ZNF704: variants seen among roughly 807,000 people sequenced by gnomAD.
ZNF704 encodes zinc finger protein 704, also known as glucocorticoid induced gene 1.
In ZNF704, 10 loss-of-function variants were observed where a neutral mutation model predicts 44.7. The observed-to-expected ratio is 0.22, with a 90% CI of 0.14 to 0.38. The LOEUF (loss-of-function observed/expected upper bound fraction) is 0.38. Ranked by LOEUF, ZNF704 falls within the 10% of genes least tolerant of loss-of-function variation. ZNF704 has a pLI of 1.00. For synonymous variants in ZNF704, 211 were observed against 207.6 expected, an observed-to-expected ratio of 1.02 and a Z score of -0.14; for missense variants, 390 against 545.5, an observed-to-expected ratio of 0.71 and a Z score of 2.84.
At chr8:80,685,043 A>C (rs1461909416) in intron 4 of ZNF704, among the ~76,000 whole-genome samples, 1 of 152,108 alleles carries the variant, frequency 6.6e-6, no homozygotes, top group African/African-American at 2.4e-5. Context: ...AGAAGTCATA[A>C]AGAAAGAAGG....
At chr8:80,716,695 CAA>C (rs1250900137) in intron 2 of ZNF704, among the ~76,000 whole-genome samples, 3 of 152,216 alleles carry the variant, frequency 2.0e-5, no homozygotes, top group Non-Finnish European at 4.4e-5. Context: ...CAAGTTCAAG[CAA>C]AATAGTTCCA....
chr8:80,681,909 T>C (rs1389526613), intron 4 of ZNF704, among the ~76,000 whole-genome samples: 1 of 152,214 alleles, frequency 6.6e-6, no homozygotes, highest in Non-Finnish European at 1.5e-5. Context: ...GTCACTAAGT[T>C]ACCTAGATAT....
intron 1 of ZNF704, among the ~76,000 whole-genome samples, chr8:80,868,526 T>C (rs1419561195): frequency 3.3e-5 from 5 of 152,206 alleles, no homozygotes; most frequent in South Asian, 2.1e-4. Context: ...TGCTCCCCAC[T>C]TGTGGCCACA....
intron 7 of ZNF704, among the ~76,000 whole-genome samples, chr8:80,651,310 A>T (rs867280233): frequency 1.4e-4 from 22 of 152,364 alleles, no homozygotes; most frequent in Middle Eastern, 3.4e-3. Context: ...AAATTCACAC[A>T]TAACAATATT....
intron 2 of ZNF704, among the ~76,000 whole-genome samples, chr8:80,802,799 C>T (rs1807924182): frequency 6.6e-6 from 1 of 152,152 alleles, no homozygotes; most frequent in Non-Finnish European, 1.5e-5. Flanking sequence ...TGCCCCCTCT[C>T]ATTACTCCTG....
intron 3 of ZNF704, among the ~76,000 whole-genome samples, chr8:80,691,143 G>C (rs1467063839): frequency 1.3e-5 from 2 of 152,176 alleles, no homozygotes; most frequent in Non-Finnish European, 2.9e-5. Flanking sequence ...AATGAGGTTG[G>C]AGTAAGTTTT....
rs1271626984 is a variant in ZNF704, at chr8:80,629,122, G to A, written c.*12244C>T. On this transcript the variant is annotated 3_prime_UTR_variant, in exon 9 of 9. Transcript: ENST00000327835. ...AAGAAATTCAAAAAATTGTTTTAGA[G>A]AACAGCATTTAGAAAAACAACATCA... 3 of 151,972 alleles carry A rather than the reference G, an allele frequency of 2.0e-5. No individual in the cohort carries two copies. The highest frequency in any genetic ancestry group is 4.4e-5 in the Non-Finnish European group (3 of 68,006). The allele number at this position is 151,972 out of a possible 1,614,324, so 9.4% of individuals were successfully genotyped here.
At chr8:80,651,538 T>G (rs1242386364) in intron 7 of ZNF704, among the ~76,000 whole-genome samples, 2 of 152,114 alleles carry the variant, frequency 1.3e-5, no homozygotes, top group Non-Finnish European at 2.9e-5. Context: ...TAAAACAGAC[T>G]TTAAACCAAC....
rs1229395523 is a variant in ZNF704 at position 80,659,764 on chromosome 8, G to A, written c.928-75C>T. The A allele has an allele frequency of 3.0e-6, 4 of 1,335,700 alleles. No individual in the cohort carries two copies. The East Asian group carries it at 9.3e-5, about 31-fold the overall frequency. 82.7% of individuals were successfully genotyped at this position (1,335,700 alleles called of 1,614,324 possible). ...GGAGCTTTAAGCTCTTATTACCAAA[G>A]GAGGACCTCAGAAATGGTCTCAGCT... On this transcript the variant is annotated intron_variant, in intron 6 of 8. Coordinates refer to ENST00000327835, the MANE Select transcript of ZNF704 (RefSeq NM_001033723.3).
chr8:80,751,480 C>T (rs1427852987), intron 2 of ZNF704, among the ~76,000 whole-genome samples: 3 of 152,146 alleles, frequency 2.0e-5, no homozygotes, highest in Admixed American at 6.5e-5. Context: ...GTTTCAGGTG[C>T]TGCTATTTAC....
intron 2 of ZNF704, among the ~76,000 whole-genome samples, chr8:80,709,187 G>T (rs996233890): frequency 6.6e-6 from 1 of 152,042 alleles, no homozygotes; most frequent in African/African-American, 2.4e-5. Context: ...GCTCACGCCT[G>T]TAATCCCAGC....
intron 4 of ZNF704, among the ~76,000 whole-genome samples, chr8:80,672,960 T>C (rs1818306332): frequency 6.6e-6 from 1 of 152,298 alleles, no homozygotes; most frequent in Middle Eastern, 3.4e-3. Flanking sequence ...GCAATATGCA[T>C]ACTCTCTAAT....
At position 80,687,303 on chromosome 8, in the gene ZNF704, C is replaced by T. The variant is rs1382313103; in HGVS notation, c.481G>A (p.Ala161Thr). The T allele has an allele frequency of 2.3e-5, 37 of 1,612,860 alleles. No homozygotes were observed. Among genetic ancestry groups the T allele is most frequent in the East Asian group, 4.5e-5 (2 of 44,878 alleles). ...TCGTCGATGCCGTCGTCTGGCTGCGCGGGGCTGCGGAAGGGCTTGAAGCTG... is the reference window on the plus strand; with the variant it reads ...TCGTCGATGCCGTCGTCTGGCTGCGTGGGGCTGCGGAAGGGCTTGAAGCTG... ...ADSFKPFRSP[A>T]QPDDGIDEAE... The change falls in exon 4 of 9, where the codon GCG (alanine) becomes ACG (threonine). Residue 161 changes from alanine (A) to threonine (T), a missense_variant. Ala to Thr is a moderately conservative substitution (Grantham distance 58, BLOSUM62 0). Transcript: ENST00000327835.
chr8:80,713,980 T>C (rs543656390), intron 2 of ZNF704, among the ~76,000 whole-genome samples: 1 of 152,354 alleles, frequency 6.6e-6, no homozygotes, highest in East Asian at 1.9e-4. Context: ...ACACAGGGCA[T>C]GCTAACACTG....
chr8:80,805,700 A>G (rs1247571171), intron 2 of ZNF704, among the ~76,000 whole-genome samples: 1 of 152,212 alleles, frequency 6.6e-6, no homozygotes, highest in African/African-American at 2.4e-5. Flanking sequence ...TACCTATCAA[A>G]TTAAGCATCA....
chr8:80,824,835 G>C (rs1282381623), intron 1 of ZNF704, among the ~76,000 whole-genome samples: 2 of 152,194 alleles, frequency 1.3e-5, no homozygotes, highest in South Asian at 2.1e-4. Context: ...AGCTTCATAA[G>C]TGAAGGGGAA....
chr8:80,844,812 A>C (rs1439699757), intron 1 of ZNF704, among the ~76,000 whole-genome samples: 1 of 151,484 alleles, frequency 6.6e-6, no homozygotes, highest in African/African-American at 2.4e-5. Flanking sequence ...GAGAAGCTTG[A>C]ATTTTTTTTC....
intron 2 of ZNF704, among the ~76,000 whole-genome samples, chr8:80,770,149 C>T (rs372877434): frequency 1.6e-4 from 25 of 152,296 alleles, no homozygotes; most frequent in African/African-American, 4.6e-4. Context: ...TCCCACAACA[C>T]GTGGGAATTC....
intron 5 of ZNF704, among the ~76,000 whole-genome samples, chr8:80,669,056 G>C (rs1219922961): frequency 6.6e-6 from 1 of 152,180 alleles, no homozygotes; most frequent in Non-Finnish European, 1.5e-5. Context: ...TCCACCCACT[G>C]TGAGAGCACC....
Sources: allele counts gnomAD v4.1 joint callset (sites outside exome capture counted in the v4.1 genomes callset), GRCh38; gene constraint gnomAD v4.1.1; transcripts MANE v1.5; gene names NCBI Gene and HGNC (gene_info 2026-07-23, HGNC 2026-07-21).